Variants in FAM227B observed in about 807,000 individuals in gnomAD.
FAM227B encodes the protein family with sequence similarity 227 member B.
Under a neutral mutation model 73.8 loss-of-function variants are expected in FAM227B, and 88 were observed. The observed-to-expected ratio is 1.19, with a 90% confidence interval of 1.00 to 1.42. FAM227B has a LOEUF of 1.42. Ranked by LOEUF, FAM227B falls within the 40% of genes most tolerant of loss-of-function variation. FAM227B has a pLI of 0.00. For missense variants in FAM227B, 632 were observed against 590.9 expected, an observed-to-expected ratio of 1.07 and a Z score of -0.72; for synonymous variants, 210 against 190.5, an observed-to-expected ratio of 1.10 and a Z score of -0.84.
chr15:49,381,864 AT>A, intron 11 of FAM227B, among the ~76,000 whole-genome samples: 1 of 150,476 alleles, frequency 6.6e-6, no homozygotes, highest in Non-Finnish European at 1.5e-5. Flanking sequence ...TATCACTGTT[AT>A]AAATGTCAGC....
chr15:49,375,296 T>C (rs1329150750), intron 11 of FAM227B, among the ~76,000 whole-genome samples: 1 of 152,128 alleles, frequency 6.6e-6, no homozygotes, highest in East Asian at 1.9e-4. Context: ...AACATGAAAA[T>C]TTTTTATGTT....
intron 9 of FAM227B, among the ~76,000 whole-genome samples, chr15:49,553,363 T>C (rs543179766): frequency 6.6e-6 from 1 of 152,194 alleles, no homozygotes; most frequent in Non-Finnish European, 1.5e-5. Context: ...TTATGACTGC[T>C]TTGGGTAAGA....
chr15:49,479,983 A>G (rs1477959095), intron 11 of FAM227B, among the ~76,000 whole-genome samples: 1 of 152,184 alleles, frequency 6.6e-6, no homozygotes, highest in Non-Finnish European at 1.5e-5. Flanking sequence ...GCAAGTGAAC[A>G]AAAGAGTGAT....
At chr15:49,531,030 C>T (rs1546424) in intron 10 of FAM227B, among the ~76,000 whole-genome samples, 106,295 of 151,466 alleles carry the variant, frequency 0.7, 37,608 homozygotes, top group East Asian at 0.92. Context: ...AACAACTCAA[C>T]ACATTCTAAA....
intron 9 of FAM227B, among the ~76,000 whole-genome samples, chr15:49,557,628 C>T (rs565075044): frequency 3.3e-5 from 5 of 152,130 alleles, no homozygotes; most frequent in Non-Finnish European, 5.9e-5. Context: ...AGGAGCGAAG[C>T]CAGGCAGCTG....
intron 10 of FAM227B, among the ~76,000 whole-genome samples, chr15:49,531,847 C>T (rs1260159771): frequency 6.6e-6 from 1 of 151,676 alleles, no homozygotes; most frequent in Non-Finnish European, 1.5e-5. Context: ...CTTAAGAAGG[C>T]AAATATAATT....
chr15:49,583,528 C>T lies in FAM227B; in HGVS notation c.405+4488G>A, dbSNP rs530060172. 1.3e-4 allele frequency among the ~76,000 whole-genome samples: 20 copies of T among 152,064 alleles called. No homozygotes were observed. In the South Asian group the frequency reaches 1.5e-3, roughly 11 times the overall value. ...AAAGGGGAGGCATGAATAATCCACCCGTTGTTTAGCATATCATCAAAAATA... is the reference window on the plus strand; with the variant it reads ...AAAGGGGAGGCATGAATAATCCACCTGTTGTTTAGCATATCATCAAAAATA... On this transcript the variant is annotated intron_variant, in intron 5 of 15. Transcript: ENST00000299338.
At chr15:49,563,645 CACAG>C (rs1051384148) in intron 9 of FAM227B, among the ~76,000 whole-genome samples, 2 of 152,058 alleles carry the variant, frequency 1.3e-5, no homozygotes, top group African/African-American at 2.4e-5. Flanking sequence ...ACAGCAGACA[CACAG>C]ACAAACAGAA....
intron 11 of FAM227B, among the ~76,000 whole-genome samples, chr15:49,471,768 C>T (rs2899433): frequency 0.34 from 50,823 of 151,632 alleles, 9,479 homozygotes; most frequent in African/African-American, 0.49. Context: ...TAGGAAGCAG[C>T]TGAACACAGG....
chr15:49,504,776 C>T (rs1286167224), intron 11 of FAM227B, among the ~76,000 whole-genome samples: 1 of 152,140 alleles, frequency 6.6e-6, no homozygotes. Flanking sequence ...GCCTGCAGAA[C>T]CATGAGCCAA....
At position 49,566,105 on chromosome 15, in the gene FAM227B, T is replaced by C. The variant is rs1006918591; in HGVS notation, c.747+2140A>G. Reference sequence around the variant, plus strand: ...ACTAAATATATAATTTTTACAACAGTAGTAGGAGACTAATACAGTCACTTA... The same window carrying C: ...ACTAAATATATAATTTTTACAACAGCAGTAGGAGACTAATACAGTCACTTA... On this transcript the variant is annotated intron_variant, in intron 9 of 15. Transcript: ENST00000299338. Among the ~76,000 whole-genome samples, 8 of 152,190 alleles carry C rather than the reference T, an allele frequency of 5.3e-5. No homozygotes were observed. In the South Asian group the frequency reaches 1.2e-3, roughly 24 times the overall value.
At chr15:49,357,637 A>G (rs2043402062) in intron 13 of FAM227B, among the ~76,000 whole-genome samples, 1 of 150,362 alleles carries the variant, frequency 6.7e-6, no homozygotes, top group South Asian at 2.1e-4. Flanking sequence ...AGATGGATTC[A>G]CAGCCGAATT....
chr15:49,330,749 A>AG (rs539042143), intron 15 of FAM227B: 1 of 152,192 alleles, frequency 6.6e-6, no homozygotes, highest in East Asian at 1.9e-4. Flanking sequence ...AGACCAAAAA[A>AG]AAAAAAAAAG....
chr15:49,560,705 T>G (rs1038745659), intron 9 of FAM227B, among the ~76,000 whole-genome samples: 1 of 152,122 alleles, frequency 6.6e-6, no homozygotes, highest in Non-Finnish European at 1.5e-5. Flanking sequence ...CAAACCAGAA[T>G]AGATTGGAGG....
chr15:49,337,823 T>A (rs753278507), intron 13 of FAM227B, among the ~76,000 whole-genome samples: 18 of 152,188 alleles, frequency 1.2e-4, no homozygotes, highest in Non-Finnish European at 2.2e-4. Flanking sequence ...TCCAGCTTCA[T>A]CCATGTCCCT....
intron 9 of FAM227B, among the ~76,000 whole-genome samples, chr15:49,552,715 A>G (rs149206979): frequency 6.6e-6 from 1 of 152,052 alleles, no homozygotes; most frequent in East Asian, 1.9e-4. Flanking sequence ...CCTATCTTCA[A>G]GCTCACTAAT....
intron 10 of FAM227B, among the ~76,000 whole-genome samples, chr15:49,523,801 T>C (rs557207557): frequency 6.6e-6 from 1 of 152,310 alleles, no homozygotes; most frequent in South Asian, 2.1e-4. Context: ...CAGATGGAGA[T>C]GAAGAACTTG....
intron 11 of FAM227B, among the ~76,000 whole-genome samples, chr15:49,416,843 G>A (rs1053021307): frequency 5.3e-5 from 8 of 151,626 alleles, no homozygotes; most frequent in Admixed American, 4.6e-4. Context: ...GGAGGTGAAA[G>A]ATCTCCAAAA....
At chr15:49,438,710 G>C (rs113123071) in intron 11 of FAM227B, among the ~76,000 whole-genome samples, 3,677 of 151,676 alleles carry the variant, frequency 0.024, 115 homozygotes, top group South Asian at 0.15. Flanking sequence ...TGGGCAAATA[G>C]TTGACTCTCC....
Sources: allele counts gnomAD v4.1 joint callset (sites outside exome capture counted in the v4.1 genomes callset), GRCh38; gene constraint gnomAD v4.1.1; transcripts MANE v1.5; gene names NCBI Gene and HGNC (gene_info 2026-07-23, HGNC 2026-07-21).